The following SPIDR variants were observed in gnomAD, a reference collection of about 807,000 sequenced individuals.
SPIDR encodes scaffold protein involved in DNA repair.
SPIDR carries 93 observed loss-of-function variants against 104.6 expected under a neutral mutation model. That is an observed-to-expected ratio of 0.89 (90% CI 0.75 to 1.06). The LOEUF (loss-of-function observed/expected upper bound fraction) is 1.06, where lower values mean the gene tolerates loss of function less well. Ranked by LOEUF, SPIDR falls within the 50% of genes least tolerant of loss-of-function variation. SPIDR has a pLI of 0.00. For synonymous variants in SPIDR, 431 were observed against 416.9 expected (o/e 1.03, Z -0.41); for missense variants, 1,154 against 1,111.2 (o/e 1.04, Z -0.55).
intron 6 of SPIDR, among the ~76,000 whole-genome samples, chr8:47,397,220 G>A (rs1011753311): frequency 5.9e-5 from 9 of 152,108 alleles, no homozygotes; most frequent in Admixed American, 2.0e-4. Context: ...AAGAGAGGCC[G>A]GGCGCGGTGG....
In SPIDR at chr8:47,729,016, G is replaced by A. The variant is rs767386373; in HGVS notation, c.2519G>A (p.Arg840His). Residue 840 changes from arginine to histidine, a missense_variant, in exon 18 of 20, where the codon CGC becomes CAC. By Grantham distance (29) the Arg-to-His change is conservative (BLOSUM62 0). Transcript: ENST00000297423. Reference protein sequence around the residue: ...KRHLQVFLDCRSRPQCRVKVK... With the variant: ...KRHLQVFLDCHSRPQCRVKVK... The stretch of plus-strand genomic sequence containing the variant: ...CACCTGCAGGTCTTCCTGGACTGCC[G>A]CTCAAGACCGCAGTGCAGAGTGAAG... 1.3e-5 allele frequency: 21 copies of A among 1,613,856 alleles called. No individual in the cohort carries two copies. Among genetic ancestry groups the A allele is most frequent in the South Asian group, 3.3e-5 (3 of 91,088 alleles).
intron 10 of SPIDR, among the ~76,000 whole-genome samples, chr8:47,653,451 A>T (rs552898934): frequency 4.6e-5 from 7 of 152,288 alleles, no homozygotes; most frequent in East Asian, 1.9e-4. Context: ...AGCTGATGGC[A>T]CATTTTGAGC....
intron 8 of SPIDR, chr8:47,511,913 G>C (rs2082388310): frequency 1.3e-6 from 1 of 793,770 alleles, no homozygotes; most frequent in Non-Finnish European, 2.3e-6. Context: ...TCATGAGTGA[G>C]ATCTCTAAAG....
intron 8 of SPIDR, among the ~76,000 whole-genome samples, chr8:47,505,564 C>T (rs1564171842): frequency 6.6e-6 from 1 of 152,214 alleles, no homozygotes; most frequent in East Asian, 1.9e-4. Flanking sequence ...AAAGGGAATT[C>T]CCTGACCCCT....
chr8:47,502,600 T>C lies in SPIDR; in HGVS notation c.1097+62058T>C, dbSNP rs187751056. On this transcript the variant is annotated intron_variant, in intron 8 of 19. Coordinates refer to ENST00000297423, the MANE Select transcript of SPIDR (RefSeq NM_001080394.4). Reference sequence around the variant, plus strand: ...TTTCAAAACCCAGCTCCTGGATTCATTGATTTTTTGAAGGGTTTTTCGTGT... The same window carrying C: ...TTTCAAAACCCAGCTCCTGGATTCACTGATTTTTTGAAGGGTTTTTCGTGT... 4.7e-3 allele frequency among the ~76,000 whole-genome samples: 715 copies of C among 152,332 alleles called. 4 individuals are homozygous for C. The highest frequency in any genetic ancestry group is 8.3e-3 in the Non-Finnish European group (563 of 68,028).
At chr8:47,622,751 A>G (rs1210753779) in intron 10 of SPIDR, among the ~76,000 whole-genome samples, 1 of 152,206 alleles carries the variant, frequency 6.6e-6, no homozygotes, top group Non-Finnish European at 1.5e-5. Context: ...AGAAAATGAA[A>G]AAATGTCAGG....
In SPIDR at chr8:47,391,567, ATAAT is replaced by A. The variant is rs1427328255; in HGVS notation, c.526-4801_526-4798del. On this transcript the variant is annotated intron_variant, in intron 5 of 19. Coordinates refer to ENST00000297423, the MANE Select transcript of SPIDR (RefSeq NM_001080394.4). Reference sequence around the variant, plus strand: ...AAAAAACAAAAAACAAACAAAGTAAATAATTAATTAAAAAATGACTACACGAAGA... The same window carrying A: ...AAAAAACAAAAAACAAACAAAGTAAATAATTAAAAAATGACTACACGAAGA... Among the ~76,000 whole-genome samples the A allele has an allele frequency of 2.6e-5, 4 of 152,164 alleles. No individual in the cohort carries two copies. In the South Asian group the frequency reaches 6.2e-4, roughly 24 times the overall value.
chr8:47,621,037 G>T (rs185272621), intron 10 of SPIDR, among the ~76,000 whole-genome samples: 17 of 151,248 alleles, frequency 1.1e-4, no homozygotes, highest in Non-Finnish European at 2.1e-4. Context: ...GCTCACTGCA[G>T]TCTCCGCCTC....
intron 11 of SPIDR, among the ~76,000 whole-genome samples, chr8:47,696,641 G>A (rs1467173062): frequency 1.3e-5 from 2 of 152,152 alleles, no homozygotes; most frequent in African/African-American, 2.4e-5. Flanking sequence ...ACAGATGGCT[G>A]GTTGTTTCTA....
At chr8:47,542,515 A>T (rs754595579) in intron 8 of SPIDR, among the ~76,000 whole-genome samples, 3 of 152,112 alleles carry the variant, frequency 2.0e-5, no homozygotes, top group Non-Finnish European at 4.4e-5. Context: ...GTAGCTAAGG[A>T]TTTTTTTTAA....
At chr8:47,287,401 G>A (rs1023441912) in intron 3 of SPIDR, among the ~76,000 whole-genome samples, 11 of 152,198 alleles carry the variant, frequency 7.2e-5, no homozygotes, top group African/African-American at 2.2e-4. Flanking sequence ...GGAGAGCAGA[G>A]AACTGGTCTG....
intron 5 of SPIDR, among the ~76,000 whole-genome samples, chr8:47,385,994 TA>T (rs1554647998): frequency 6.6e-6 from 1 of 152,130 alleles, no homozygotes; most frequent in Non-Finnish European, 1.5e-5. Context: ...TAGTTCTTTA[TA>T]AAAATATTTT....
At chr8:47,541,141 C>G (rs957185658) in intron 8 of SPIDR, among the ~76,000 whole-genome samples, 3 of 152,136 alleles carry the variant, frequency 2.0e-5, no homozygotes, top group Non-Finnish European at 4.4e-5. Context: ...ATTACAGGCA[C>G]GAGCCACTGC....
intron 4 of SPIDR, among the ~76,000 whole-genome samples, chr8:47,293,093 C>G (rs1260519331): frequency 6.6e-6 from 1 of 152,050 alleles, no homozygotes; most frequent in Non-Finnish European, 1.5e-5. Flanking sequence ...CTGCTTCTCT[C>G]AGTGGTGGTC....
intron 5 of SPIDR, among the ~76,000 whole-genome samples, chr8:47,370,275 A>G (rs2154294610): frequency 6.6e-6 from 1 of 152,212 alleles, no homozygotes; most frequent in African/African-American, 2.4e-5. Context: ...TCAACTGCAT[A>G]GGAGGCGCAA....
chr8:47,399,890 G>T (rs186931400), intron 6 of SPIDR, among the ~76,000 whole-genome samples: 1 of 152,202 alleles, frequency 6.6e-6, no homozygotes, highest in Non-Finnish European at 1.5e-5. Flanking sequence ...GAGGTGATGA[G>T]CTGGGGCAGT....
intron 5 of SPIDR, among the ~76,000 whole-genome samples, chr8:47,393,803 C>T (rs1399606021): frequency 6.7e-6 from 1 of 148,766 alleles, no homozygotes; most frequent in Non-Finnish European, 1.5e-5. Context: ...CTTCTCCCTT[C>T]TTTTCCATCC....
intron 8 of SPIDR, among the ~76,000 whole-genome samples, chr8:47,512,683 C>T (rs2082532294): frequency 6.6e-6 from 1 of 151,990 alleles, no homozygotes; most frequent in African/African-American, 2.4e-5. Flanking sequence ...TGGCAGTGGT[C>T]AGGTGGCTTC....
chr8:47,726,696 A>G (rs2084292964), intron 16 of SPIDR, among the ~76,000 whole-genome samples: 1 of 152,176 alleles, frequency 6.6e-6, no homozygotes, highest in Non-Finnish European at 1.5e-5. Flanking sequence ...CACACGTCTC[A>G]GGTGTCTTTT....
Sources: gnomAD v4.1 joint callset for allele counts (sites outside exome capture counted in the v4.1 genomes callset) on GRCh38, gnomAD v4.1.1 for gene constraint, MANE v1.5 for transcripts, NCBI Gene and HGNC (gene_info 2026-07-23, HGNC 2026-07-21) for gene names.